MPDZ: variants seen among roughly 807,000 people sequenced by gnomAD.
MPDZ encodes multiple PDZ domain crumbs cell polarity complex component, also known as multiple PDZ domain protein.
Under a neutral mutation model 239.1 loss-of-function variants are expected in MPDZ, and 234 were observed. The ratio of observed to expected loss-of-function variants is 0.98; its 90% CI spans 0.88 to 1.09. MPDZ has a LOEUF of 1.09. MPDZ is among the 50% of genes least tolerant of loss of function. MPDZ has a pLI of 0.00. For missense variants in MPDZ, 3,175 were observed against 2,510.0 expected (o/e 1.26, Z -5.66); for synonymous variants, 1,048 against 881.3 (o/e 1.19, Z -3.35).
At chr9:13,216,336 A>G (rs1032435018) in intron 10 of MPDZ, among the ~76,000 whole-genome samples, 3 of 150,738 alleles carry the variant, frequency 2.0e-5, no homozygotes, top group African/African-American at 7.3e-5. Context: ...CAGGGCTGAA[A>G]GCAGCCGCGG....
In MPDZ at chr9:13,180,317, T is replaced by C. The variant is rs1252893955; in HGVS notation, c.2649+3101A>G. Among the ~76,000 whole-genome samples, 4 of 152,204 alleles carry C rather than the reference T, an allele frequency of 2.6e-5. No homozygotes were observed. In the South Asian group the frequency reaches 6.2e-4, roughly 24 times the overall value. Reference sequence around the variant, plus strand: ...CGTACAAGGTGCAAAAGGGTTCCTATCTTGATAAACATCAAGTTCAACCTG... The same window carrying C: ...CGTACAAGGTGCAAAAGGGTTCCTACCTTGATAAACATCAAGTTCAACCTG... On this transcript the variant is annotated intron_variant, in intron 19 of 46. Transcript: ENST00000319217.
At chr9:13,177,854 T>C (rs2134247831) in intron 19 of MPDZ, among the ~76,000 whole-genome samples, 1 of 152,290 alleles carries the variant, frequency 6.6e-6, no homozygotes, top group African/African-American at 2.4e-5. Flanking sequence ...TAATAGAAAA[T>C]GCCCAATAAT....
At chr9:13,227,273 G>A (rs1310873500) in intron 3 of MPDZ, among the ~76,000 whole-genome samples, 3 of 152,068 alleles carry the variant, frequency 2.0e-5, no homozygotes, top group African/African-American at 7.2e-5. Flanking sequence ...TCAATGTGTT[G>A]AGAAGAGACT....
chr9:13,108,731 T>C (rs1265335766), intron 46 of MPDZ, among the ~76,000 whole-genome samples: 1 of 152,160 alleles, frequency 6.6e-6, no homozygotes, highest in Non-Finnish European at 1.5e-5. Flanking sequence ...GGAGTTTCAA[T>C]TTGAGCCTAT....
chr9:13,208,273 G>C (rs748070930), intron 10 of MPDZ, among the ~76,000 whole-genome samples: 1 of 152,016 alleles, frequency 6.6e-6, no homozygotes, highest in Non-Finnish European at 1.5e-5. Flanking sequence ...CTGAAACCCT[G>C]TCTCTATAAA....
At chr9:13,154,463 T>A (rs1949580772) in intron 24 of MPDZ, among the ~76,000 whole-genome samples, 1 of 152,160 alleles carries the variant, frequency 6.6e-6, no homozygotes, top group African/African-American at 2.4e-5. Context: ...GTTCCAGTCC[T>A]GCTCTTTTGC....
chr9:13,116,374 A>G (rs530005445), intron 39 of MPDZ, among the ~76,000 whole-genome samples: 31 of 152,310 alleles, frequency 2.0e-4, no homozygotes, highest in Non-Finnish European at 3.8e-4. Context: ...AGATAAATAA[A>G]CCATGAACAA....
Position 13,223,360 on chromosome 9 carries a change from CTTAAG to C in MPDZ, c.533+206_533+210del, listed in dbSNP as rs1402448071. On this transcript the variant is annotated intron_variant, in intron 5 of 46. Transcript: ENST00000319217. ...TCAAATTTTTCTTTCCTTACCAAAA[CTTAAG>C]TTATGACTATATCTAAAAGCTACTC... Among the ~76,000 whole-genome samples, 7 of 152,130 alleles carry C rather than the reference CTTAAG, an allele frequency of 4.6e-5. No individual in the cohort carries two copies. In the East Asian group the frequency reaches 1.4e-3, roughly 30 times the overall value.
At chr9:13,253,945 A>G (rs1968762471) in intron 1 of MPDZ, among the ~76,000 whole-genome samples, 1 of 152,210 alleles carries the variant, frequency 6.6e-6, no homozygotes, top group Non-Finnish European at 1.5e-5. Flanking sequence ...TGAGGTACAG[A>G]CAGATTAAGT....
Position 13,110,474 on chromosome 9 carries a change from A to ATATG in MPDZ, c.5829+158_5829+161dup, listed in dbSNP as rs1942263581. Among the ~76,000 whole-genome samples, 5 of 152,328 alleles carry ATATG rather than the reference A, an allele frequency of 3.3e-5. No individual in the cohort carries two copies. In the South Asian group the frequency reaches 1.0e-3, roughly 32 times the overall value. On this transcript the variant is annotated intron_variant, in intron 44 of 46. Transcript: ENST00000319217. Reference sequence around the variant, plus strand: ...AGTAAAATGTTACAAAATATGTCTCATATGCACTTTATTGGAACTCTTAAT... The same window carrying ATATG: ...AGTAAAATGTTACAAAATATGTCTCATATGTATGCACTTTATTGGAACTCTTAAT...
At chr9:13,143,402 T>C in intron 27 of MPDZ, 64 bp downstream of exon 27, 2 of 1,216,544 alleles carry the variant, frequency 1.6e-6, no homozygotes, top group East Asian at 2.3e-5. Context: ...AAAGACACAG[T>C]AGTAACAAAG....
In MPDZ at chr9:13,279,450, G is replaced by C. The variant is rs1975178764; in HGVS notation, c.-108C>G. 1 of 148,340 alleles carries C rather than the reference G, an allele frequency of 6.7e-6. No individual in the cohort carries two copies. The highest frequency in any genetic ancestry group is 1.5e-5 in the Non-Finnish European group (1 of 66,656). The allele number at this position is 148,340 out of a possible 1,614,324, so 9.2% of individuals were successfully genotyped here. ...CGCGACGCGAGGGGGCGGAGGACTG[G>C]GGAGCAGGGGTCGCCGGGGCCTCTG... On this transcript the variant is annotated 5_prime_UTR_variant, in exon 1 of 47. Transcript: ENST00000319217.
chr9:13,246,094 C>T (rs1165521628), intron 3 of MPDZ, among the ~76,000 whole-genome samples: 1 of 152,086 alleles, frequency 6.6e-6, no homozygotes, highest in Non-Finnish European at 1.5e-5. Flanking sequence ...CATAATTATG[C>T]TTTTATTTGG....
rs2130897327 is a variant in MPDZ at position 13,106,330 on chromosome 9, C to T, written c.*635G>A. 1 of 152,028 alleles carries T rather than the reference C, an allele frequency of 6.6e-6. No homozygotes were observed. Among genetic ancestry groups the T allele is most frequent in the Non-Finnish European group, 1.5e-5 (1 of 67,956 alleles). 9.4% of individuals were successfully genotyped at this position (152,028 alleles called of 1,614,324 possible). A position where few individuals can be genotyped will look rare whatever the true frequency, so the allele number is the denominator to read the frequency against. On this transcript the variant is annotated 3_prime_UTR_variant, in exon 47 of 47. Coordinates refer to ENST00000319217, the MANE Select transcript of MPDZ (RefSeq NM_001378778.1). ...TTCTTTATAAAATTTAGGGACATTGCTTCATGTATTTGCCATTTACTCAAT... is the reference window on the plus strand; with the variant it reads ...TTCTTTATAAAATTTAGGGACATTGTTTCATGTATTTGCCATTTACTCAAT...
At position 13,267,396 on chromosome 9, in the gene MPDZ, A is replaced by ATT. The variant is rs1972023792; in HGVS notation, c.-58+12002_-58+12003dup. ...TATACCCTCATTTTCAGACAAGAAA[A>ATT]TTGAGGTTCAGAAAGATAGTGTTTT... is the stretch of plus-strand genomic sequence containing the variant. On this transcript the variant is annotated intron_variant, in intron 1 of 46. Transcript: ENST00000319217. Among the ~76,000 whole-genome samples, 4 of 152,140 alleles carry ATT rather than the reference A, an allele frequency of 2.6e-5. No individual in the cohort carries two copies. The South Asian group carries it at 8.3e-4, about 32-fold the overall frequency.
chr9:13,133,973 A>AT, intron 31 of MPDZ, 69 bp from the exon 32 acceptor site: 1 of 703,898 alleles, frequency 1.4e-6, no homozygotes, highest in South Asian at 4.4e-5. Flanking sequence ...TTAAATATAA[A>AT]GGCCACTTAT....
chr9:13,166,224 G>T lies in MPDZ; in HGVS notation c.3254+2142C>A, dbSNP rs565988412. Among the ~76,000 whole-genome samples the T allele has an allele frequency of 3.9e-5, 6 of 152,196 alleles. No homozygotes were observed. The South Asian group carries it at 1.2e-3, about 32-fold the overall frequency. ...TATGGTTCTATTCAGAGTAATGGAA[G>T]GACTAAAAGTTCCTTTTGGGAAGAT... On this transcript the variant is annotated intron_variant, in intron 22 of 46. Transcript: ENST00000319217.
intron 39 of MPDZ, among the ~76,000 whole-genome samples, chr9:13,116,690 T>G (rs1339143802): frequency 6.6e-6 from 1 of 152,210 alleles, no homozygotes; most frequent in East Asian, 1.9e-4. Context: ...CTGTAACACT[T>G]CTCTTTCAAA....
rs1484122780 is a variant in MPDZ at position 13,136,693 on chromosome 9, A to G, written c.4292+19T>C. On this transcript the variant is annotated intron_variant, in intron 30 of 46. Coordinates refer to ENST00000319217, the MANE Select transcript of MPDZ (RefSeq NM_001378778.1). The stretch of plus-strand genomic sequence containing the variant: ...GCTAACAAAAAGTATTTGGTAAACT[A>G]GCAAAAGAAAATGATCACCTGATAA... 8.4e-6 allele frequency: 12 copies of G among 1,431,942 alleles called. No homozygotes were observed. The highest frequency in any genetic ancestry group is 1.2e-5 in the Non-Finnish European group (12 of 1,031,052). The allele number at this position is 1,431,942 out of a possible 1,614,324, so 88.7% of individuals were successfully genotyped here.
Sources: gnomAD v4.1 joint callset for allele counts (sites outside exome capture counted in the v4.1 genomes callset) on GRCh38, gnomAD v4.1.1 for gene constraint, MANE v1.5 for transcripts, NCBI Gene and HGNC (gene_info 2026-07-23, HGNC 2026-07-21) for gene names.